The following CRPPA variants were observed in gnomAD, a reference collection of about 807,000 sequenced individuals.
CRPPA encodes the protein D-ribitol-5-phosphate cytidylyltransferase.
CRPPA carries 43 observed loss-of-function variants against 52.0 expected under a neutral mutation model. That is an observed-to-expected ratio of 0.83 (90% CI 0.65 to 1.07). CRPPA has a LOEUF of 1.07. Among genes scored for constraint, CRPPA ranks in the 50% least tolerant of loss-of-function variants. The pLI is 0.00. For missense variants in CRPPA, 629 were observed against 551.7 expected (o/e 1.14, Z -1.40); for synonymous variants, 250 against 203.5 (o/e 1.23, Z -1.94).
intron 1 of CRPPA, among the ~76,000 whole-genome samples, chr7:16,412,705 A>G (rs530659774): frequency 1.3e-5 from 2 of 152,332 alleles, no homozygotes; most frequent in East Asian, 3.9e-4. Flanking sequence ...TATTTGCTGA[A>G]TAAAGAGATC....
intron 3 of CRPPA, among the ~76,000 whole-genome samples, chr7:16,341,304 C>T (rs1398319401): frequency 2.0e-5 from 3 of 151,508 alleles, no homozygotes; most frequent in African/African-American, 7.3e-5. Flanking sequence ...AAAACAGGTA[C>T]CACTCTGGTA....
chr7:16,362,319 C>T (rs1465825437), intron 3 of CRPPA, among the ~76,000 whole-genome samples: 2 of 152,192 alleles, frequency 1.3e-5, no homozygotes, highest in African/African-American at 4.8e-5. Context: ...AAAGCATCTT[C>T]TCATGGTGTC....
At chr7:16,258,645 T>C (rs1395169434) in intron 7 of CRPPA, among the ~76,000 whole-genome samples, 163 bp from the exon 8 acceptor site, 1 of 152,056 alleles carries the variant, frequency 6.6e-6, no homozygotes, top group Non-Finnish European at 1.5e-5. Flanking sequence ...AAGTTATACA[T>C]GTCAAATTTT....
At chr7:16,162,068 C>A (rs922964769) in intron 9 of CRPPA, among the ~76,000 whole-genome samples, 9 of 151,830 alleles carry the variant, frequency 5.9e-5, no homozygotes, top group African/African-American at 2.2e-4. Flanking sequence ...CTATTTGATT[C>A]TTCTCTTTTC....
At chr7:16,350,730 C>T (rs575461158) in intron 3 of CRPPA, among the ~76,000 whole-genome samples, 2 of 152,206 alleles carry the variant, frequency 1.3e-5, no homozygotes, top group South Asian at 2.1e-4. Flanking sequence ...AACCAATTGA[C>T]AGAATGGCAC....
intron 9 of CRPPA, among the ~76,000 whole-genome samples, chr7:16,211,382 A>G (rs1782132948): frequency 6.6e-6 from 1 of 152,222 alleles, no homozygotes; most frequent in Non-Finnish European, 1.5e-5. Flanking sequence ...CCCACATCAA[A>G]AAAGCCTGAT....
chr7:16,374,142 C>T (rs1334636530), intron 3 of CRPPA, among the ~76,000 whole-genome samples: 2 of 152,084 alleles, frequency 1.3e-5, no homozygotes, highest in Non-Finnish European at 2.9e-5. Context: ...AGTCGGTGGA[C>T]TGGGAGAGGA....
At chr7:16,283,050 C>T (rs1784348900) in intron 5 of CRPPA, among the ~76,000 whole-genome samples, 1 of 151,948 alleles carries the variant, frequency 6.6e-6, no homozygotes, top group African/African-American at 2.4e-5. Context: ...AAACAAGATA[C>T]TAGCCTATAT....
At chr7:16,346,691 G>A (rs191285610) in intron 3 of CRPPA, among the ~76,000 whole-genome samples, 12 of 152,190 alleles carry the variant, frequency 7.9e-5, no homozygotes, top group Admixed American at 2.0e-4. Context: ...CCAGCTTACT[G>A]TACTAATGTT....
intron 9 of CRPPA, among the ~76,000 whole-genome samples, chr7:16,171,007 G>C (rs80232581): frequency 0.061 from 9,339 of 152,290 alleles, 378 homozygotes; most frequent in East Asian, 0.14. Context: ...AGCCAGCCCA[G>C]AGAGGGGCTC....
intron 2 of CRPPA, among the ~76,000 whole-genome samples, chr7:16,380,145 T>C (rs1480083325): frequency 6.6e-6 from 1 of 151,222 alleles, no homozygotes; most frequent in African/African-American, 2.4e-5. Flanking sequence ...ACAGCTCTTA[T>C]TATTTTGAGA....
chr7:16,359,107 C>A (rs968744822), intron 3 of CRPPA, among the ~76,000 whole-genome samples: 7 of 152,026 alleles, frequency 4.6e-5, no homozygotes, highest in Non-Finnish European at 7.4e-5. Flanking sequence ...TAGTTAATAA[C>A]CTTGATGTTG....
chr7:16,122,102 A>T (rs1782491344), intron 9 of CRPPA, among the ~76,000 whole-genome samples: 1 of 152,214 alleles, frequency 6.6e-6, no homozygotes, highest in East Asian at 1.9e-4. Context: ...TTTACCATTC[A>T]CTCAGCCTAG....
chr7:16,376,349 G>T, intron 2 of CRPPA, 108 bp from the exon 3 acceptor site: 1 of 1,085,788 alleles, frequency 9.2e-7, no homozygotes, highest in Non-Finnish European at 1.3e-6. Context: ...CCTTCAACAA[G>T]CTACCTTAAG....
At chr7:16,243,857 C>T (rs1783194435) in intron 8 of CRPPA, among the ~76,000 whole-genome samples, 1 of 152,054 alleles carries the variant, frequency 6.6e-6, no homozygotes, top group Non-Finnish European at 1.5e-5. Context: ...CTCCCAGCTA[C>T]TTAGGAGGCT....
At chr7:16,300,635 T>A (rs894265514) in intron 5 of CRPPA, among the ~76,000 whole-genome samples, 3 of 152,256 alleles carry the variant, frequency 2.0e-5, no homozygotes, top group Middle Eastern at 3.4e-3. Flanking sequence ...TCCAGCAGCT[T>A]GTGAGCAGAG....
At chr7:16,330,663 A>G (rs996398546) in intron 3 of CRPPA, among the ~76,000 whole-genome samples, 2 of 152,166 alleles carry the variant, frequency 1.3e-5, no homozygotes, top group African/African-American at 4.8e-5. Context: ...TTTTACCTCC[A>G]GGAGCTTGAT....
At chr7:16,191,269 C>T (rs1462042409) in intron 9 of CRPPA, among the ~76,000 whole-genome samples, 1 of 152,068 alleles carries the variant, frequency 6.6e-6, no homozygotes, top group Admixed American at 6.6e-5. Flanking sequence ...GACCCCCTTT[C>T]AACTTCTGAA....
At chr7:16,353,303 G>A (rs1786205934) in intron 3 of CRPPA, among the ~76,000 whole-genome samples, 1 of 152,132 alleles carries the variant, frequency 6.6e-6, no homozygotes, top group Admixed American at 6.6e-5. Context: ...AGTGAGCTAT[G>A]ACTGAGCCAC....
Sources: allele counts gnomAD v4.1 joint callset (sites outside exome capture counted in the v4.1 genomes callset), GRCh38; gene constraint gnomAD v4.1.1; transcripts MANE v1.5; gene names NCBI Gene and HGNC (gene_info 2026-07-23, HGNC 2026-07-21).